KLF8: variants seen among roughly 807,000 people sequenced by gnomAD.
The protein encoded by KLF8 is KLF transcription factor 8.
In KLF8, 10 loss-of-function variants were observed where a neutral mutation model predicts 18.2. That is an observed-to-expected ratio of 0.55 (90% CI 0.34 to 0.93). KLF8 has a LOEUF of 0.93. KLF8 is among the 40% of genes least tolerant of loss of function. The probability of loss-of-function intolerance (pLI) is 0.02; values close to 1 mark genes in which losing one functional copy is unlikely to be tolerated. For synonymous variants in KLF8, 109 were observed against 97.3 expected (o/e 1.12, Z -0.71); for missense variants, 264 against 277.9 (o/e 0.95, Z 0.36).
the KLF8 span, among the ~76,000 whole-genome samples, chrX:56,003,905 C>T: frequency 8.9e-6 from 1 of 112,385 alleles, no homozygotes; most frequent in East Asian, 2.8e-4. Context: ...AACAACGTAT[C>T]TTATGTTATT....
chrX:56,214,352 C>T, the KLF8 span, among the ~76,000 whole-genome samples: 1 of 112,184 alleles, frequency 8.9e-6, no homozygotes, highest in African/African-American at 3.2e-5. Context: ...GTTTTAAGTA[C>T]TTTGTGGATT....
At chrX:55,915,297 A>AGAATTT in the KLF8 span, among the ~76,000 whole-genome samples, 2 of 111,880 alleles carry the variant, frequency 1.8e-5, no homozygotes, top group Non-Finnish European at 3.8e-5. Flanking sequence ...AATAATTTGT[A>AGAATTT]GAATTTGAAT....
At chrX:56,131,580 A>G in the KLF8 span, among the ~76,000 whole-genome samples, 1 of 110,633 alleles carries the variant, frequency 9.0e-6, no homozygotes, top group Non-Finnish European at 1.9e-5. Flanking sequence ...AATACAATTA[A>G]AAAAAAAGGT....
chrX:56,135,028 T>C, the KLF8 span, among the ~76,000 whole-genome samples: 20 of 109,950 alleles, frequency 1.8e-4, 2 homozygotes, highest in South Asian at 7.7e-3. Context: ...CACAAAACAA[T>C]ATCATTAAAA....
At chrX:56,188,603 T>C in the KLF8 span, among the ~76,000 whole-genome samples, 1 of 112,075 alleles carries the variant, frequency 8.9e-6, no homozygotes, top group Admixed American at 9.5e-5. Context: ...GGCATCATGC[T>C]ACCTGACTTC....
At chrX:56,049,707 A>G in the KLF8 span, among the ~76,000 whole-genome samples, 1 of 107,941 alleles carries the variant, frequency 9.3e-6, no homozygotes, top group African/African-American at 3.4e-5. Context: ...ATGTTCATCA[A>G]GGATATTGGT....
intron 2 of KLF8, among the ~76,000 whole-genome samples, chrX:56,254,903 G>A (rs1452085689): frequency 1.8e-5 from 2 of 111,490 alleles, no homozygotes; most frequent in Non-Finnish European, 3.8e-5. Context: ...GCAGGAAAAC[G>A]GAAATATAAG....
At chrX:56,117,880 A>G in the KLF8 span, among the ~76,000 whole-genome samples, 2 of 111,742 alleles carry the variant, frequency 1.8e-5, no homozygotes, top group Non-Finnish European at 3.8e-5. Context: ...TATAAACAAC[A>G]GAAATTTATT....
At chrX:56,270,371 CACACACACACGA>C in intron 5 of KLF8, 50 bp downstream of exon 5, 6 of 1,054,195 alleles carry the variant, frequency 5.7e-6, no homozygotes, top group Non-Finnish European at 7.5e-6. Flanking sequence ...CACACACACA[CACACACACACGA>C]GAGAGAGAGA....
chrX:56,084,409 A>G, the KLF8 span, among the ~76,000 whole-genome samples: 1 of 111,393 alleles, frequency 9.0e-6, no homozygotes, highest in African/African-American at 3.3e-5. Context: ...AAACAAACAA[A>G]AAAAGAAATT....
At chrX:56,143,874 A>C in the KLF8 span, among the ~76,000 whole-genome samples, 1 of 112,598 alleles carries the variant, frequency 8.9e-6, no homozygotes, top group Non-Finnish European at 1.9e-5. Flanking sequence ...TATTGAATGA[A>C]TAATAGAATA....
intron 1 of KLF8, among the ~76,000 whole-genome samples, chrX:56,245,441 G>A (rs1340672012): frequency 8.9e-6 from 1 of 112,016 alleles, no homozygotes; most frequent in Non-Finnish European, 1.9e-5. Flanking sequence ...CATGACAAAA[G>A]TTACATAATT....
the KLF8 span, among the ~76,000 whole-genome samples, chrX:56,057,769 A>C: frequency 1.8e-5 from 2 of 110,808 alleles, no homozygotes; most frequent in Non-Finnish European, 3.8e-5. Flanking sequence ...CTATGGGAGC[A>C]AGTCAAGCCT....
At chrX:56,030,611 C>T in the KLF8 span, among the ~76,000 whole-genome samples, 1 of 109,943 alleles carries the variant, frequency 9.1e-6, no homozygotes, top group African/African-American at 3.3e-5. Flanking sequence ...CTCTCAGGGG[C>T]ATTTGTGTTC....
the KLF8 span, among the ~76,000 whole-genome samples, chrX:56,132,091 G>C: frequency 6.3e-5 from 7 of 111,592 alleles, no homozygotes; most frequent in East Asian, 2.8e-4. Flanking sequence ...AAGACAGAAA[G>C]TCAACAAAGA....
Position 56,288,456 on chromosome X carries a change from G to A in KLF8, c.*3962G>A, listed in dbSNP as rs1005153183. Among the ~76,000 whole-genome samples, 4 of 110,722 alleles carry A rather than the reference G, an allele frequency of 3.6e-5. No homozygotes were observed. The highest frequency in any genetic ancestry group is 5.6e-4 in the East Asian group (2 of 3,546). On this transcript the variant is annotated 3_prime_UTR_variant, in exon 6 of 6. Transcript: ENST00000468660. ...TATGAGTTTTTGAAAGTAGGACCAC[G>A]GAGAAGAAGTGCCATTTTCATCACA...
At chrX:56,011,695 A>G in the KLF8 span, among the ~76,000 whole-genome samples, 6 of 111,592 alleles carry the variant, frequency 5.4e-5, no homozygotes, top group South Asian at 2.2e-3. Flanking sequence ...AAAATTTAAG[A>G]AATAGACCAC....
At chrX:55,987,349 C>A in the KLF8 span, among the ~76,000 whole-genome samples, 5 of 110,451 alleles carry the variant, frequency 4.5e-5, no homozygotes, top group Admixed American at 9.6e-5. Context: ...ATACCTCCCC[C>A]CTCCCCCAAC....
the KLF8 span, among the ~76,000 whole-genome samples, chrX:55,955,596 G>A: frequency 1.9e-4 from 21 of 111,605 alleles, no homozygotes; most frequent in African/African-American, 5.9e-4. Context: ...TGTTTTATGG[G>A]AGTAATAATT....
Sources: allele counts gnomAD v4.1 joint callset (sites outside exome capture counted in the v4.1 genomes callset), GRCh38; gene constraint gnomAD v4.1.1; transcripts MANE v1.5; gene names NCBI Gene and HGNC (gene_info 2026-07-23, HGNC 2026-07-21).